The following CTNNA3 variants were observed in gnomAD, a reference collection of about 807,000 sequenced individuals.
The protein encoded by CTNNA3 is catenin alpha-3.
Under a neutral mutation model 95.7 loss-of-function variants are expected in CTNNA3, and 76 were observed. The observed-to-expected ratio is 0.79, with a 90% CI of 0.66 to 0.96. The LOEUF is 0.96. CTNNA3 is among the 40% of genes least tolerant of loss of function. The pLI, the probability that CTNNA3 is intolerant of heterozygous loss-of-function variation, is 0.00. For synonymous variants in CTNNA3, 431 were observed against 374.4 expected (o/e 1.15, Z -1.74); for missense variants, 1,191 against 1,089.8 (o/e 1.09, Z -1.31).
At chr10:66,785,029 T>C (rs988030729) in intron 7 of CTNNA3, among the ~76,000 whole-genome samples, 2 of 152,224 alleles carry the variant, frequency 1.3e-5, no homozygotes, top group African/African-American at 4.8e-5. Context: ...GCATTTTTCA[T>C]GGTCCAGATA....
chr10:67,586,836 G>A (rs1842641118), intron 3 of CTNNA3, among the ~76,000 whole-genome samples: 1 of 151,846 alleles, frequency 6.6e-6, no homozygotes, highest in Non-Finnish European at 1.5e-5. Flanking sequence ...ATTGTTAATT[G>A]TTTTCTAGTT....
chr10:66,477,842 A>G (rs1319990578), intron 11 of CTNNA3, among the ~76,000 whole-genome samples: 4 of 152,058 alleles, frequency 2.6e-5, no homozygotes, highest in Non-Finnish European at 5.9e-5. Context: ...TGCAACTCCT[A>G]ACTTTAAACA....
At chr10:67,307,266 G>C (rs1393081359) in intron 5 of CTNNA3, among the ~76,000 whole-genome samples, 3 of 152,164 alleles carry the variant, frequency 2.0e-5, no homozygotes, top group Non-Finnish European at 4.4e-5. Flanking sequence ...TCTCTCTTCA[G>C]TGTCTTATAG....
At chr10:67,303,974 T>C (rs1460086613) in intron 5 of CTNNA3, among the ~76,000 whole-genome samples, 3 of 152,244 alleles carry the variant, frequency 2.0e-5, no homozygotes, top group East Asian at 3.8e-4. Context: ...GCTATATTTC[T>C]TTATTTGCAT....
intron 5 of CTNNA3, among the ~76,000 whole-genome samples, chr10:67,444,277 A>C (rs1252716404): frequency 1.3e-5 from 2 of 152,172 alleles, no homozygotes; most frequent in East Asian, 1.9e-4. Context: ...AAAATTAAAC[A>C]ATATACTCCT....
chr10:67,164,534 T>C (rs1232949571), intron 7 of CTNNA3, among the ~76,000 whole-genome samples: 1 of 152,084 alleles, frequency 6.6e-6, no homozygotes, highest in East Asian at 1.9e-4. Flanking sequence ...CTAGAACTCG[T>C]TGAACCATTC....
rs191458075 is a variant in CTNNA3, at chr10:66,679,463, G to A, written c.1282-57679C>T. ...ATGTTTATATGGAGAAGTCTGTTGG[G>A]AGGTAGAAACAGGAGTCTGTAGTTA... On this transcript the variant is annotated intron_variant, in intron 9 of 17. Transcript: ENST00000433211. Among the ~76,000 whole-genome samples, 90 of 152,288 alleles carry A rather than the reference G, an allele frequency of 5.9e-4. 1 individual carries two copies. The highest frequency in any genetic ancestry group is 9.7e-4 in the Non-Finnish European group (66 of 68,022).
chr10:67,503,867 G>A (rs993995170), intron 5 of CTNNA3, among the ~76,000 whole-genome samples: 5 of 152,116 alleles, frequency 3.3e-5, no homozygotes, highest in African/African-American at 1.2e-4. Context: ...TAAAAACAGA[G>A]TAACATTCAG....
At chr10:67,680,602 A>C (rs2133567611) in intron 1 of CTNNA3, among the ~76,000 whole-genome samples, 1 of 152,316 alleles carries the variant, frequency 6.6e-6, no homozygotes, top group East Asian at 1.9e-4. Context: ...CTCATGGAGA[A>C]TCTATGAACT....
intron 9 of CTNNA3, among the ~76,000 whole-genome samples, chr10:66,737,115 A>C (rs1469201132): frequency 1.3e-5 from 2 of 150,976 alleles, no homozygotes; most frequent in African/African-American, 5.0e-5. Context: ...CTGATTAACA[A>C]ATTTATGAAA....
chr10:67,644,044 T>C (rs1249893435), intron 2 of CTNNA3, among the ~76,000 whole-genome samples: 2 of 152,232 alleles, frequency 1.3e-5, no homozygotes, highest in African/African-American at 4.8e-5. Flanking sequence ...TTTGGATATA[T>C]ACCCAGTAAC....
At chr10:66,301,402 A>G (rs1458724715) in intron 12 of CTNNA3, among the ~76,000 whole-genome samples, 1 of 152,120 alleles carries the variant, frequency 6.6e-6, no homozygotes, top group East Asian at 1.9e-4. Flanking sequence ...TCTTACGAAC[A>G]TAAATGCCAA....
intron 7 of CTNNA3, among the ~76,000 whole-genome samples, chr10:67,132,234 T>C (rs1860048207): frequency 6.6e-6 from 1 of 152,082 alleles, no homozygotes; most frequent in Non-Finnish European, 1.5e-5. Flanking sequence ...AGTGAGATGA[T>C]AATATGAGAA....
At chr10:67,446,082 G>C (rs1846734372) in intron 5 of CTNNA3, among the ~76,000 whole-genome samples, 1 of 152,146 alleles carries the variant, frequency 6.6e-6, no homozygotes, top group Non-Finnish European at 1.5e-5. Flanking sequence ...TACAGTCTCT[G>C]CCCTCAAGCA....
chr10:66,675,579 A>G (rs1846823750), intron 9 of CTNNA3, among the ~76,000 whole-genome samples: 2 of 152,102 alleles, frequency 1.3e-5, no homozygotes, highest in Non-Finnish European at 2.9e-5. Flanking sequence ...ATTACTTGCA[A>G]TCTGAATTTA....
At chr10:66,118,916 C>A (rs1385442510) in intron 13 of CTNNA3, among the ~76,000 whole-genome samples, 1 of 151,930 alleles carries the variant, frequency 6.6e-6, no homozygotes, top group South Asian at 2.1e-4. Flanking sequence ...TTTATTATTA[C>A]TATTTTTTAA....
At chr10:67,118,995 C>T (rs143366286) in intron 7 of CTNNA3, among the ~76,000 whole-genome samples, 8 of 151,946 alleles carry the variant, frequency 5.3e-5, no homozygotes, top group Non-Finnish European at 1.0e-4. Context: ...AACTTAGATA[C>T]TTCCCCAAAT....
chr10:66,733,925 G>A (rs4525110), intron 9 of CTNNA3, among the ~76,000 whole-genome samples: 79,471 of 151,316 alleles, frequency 0.53, 21,296 homozygotes, highest in African/African-American at 0.63. Context: ...TTAAAAATAT[G>A]AACTTTATAT....
At chr10:67,743,695 A>G (rs1414580356) in intron 1 of CTNNA3, among the ~76,000 whole-genome samples, 1 of 151,270 alleles carries the variant, frequency 6.6e-6, no homozygotes, top group African/African-American at 2.4e-5. Flanking sequence ...TCAATTAGGA[A>G]AAGAGGAAGT....
Sources: allele counts gnomAD v4.1 joint callset (sites outside exome capture counted in the v4.1 genomes callset), GRCh38; gene constraint gnomAD v4.1.1; transcripts MANE v1.5; gene names NCBI Gene and HGNC (gene_info 2026-07-23, HGNC 2026-07-21).